The following UBE2O variants were observed in gnomAD, a reference collection of about 807,000 sequenced individuals.
UBE2O encodes the protein ubiquitin conjugating enzyme E2 O.
A neutral mutation model predicts 125.8 loss-of-function variants in UBE2O; 15 were observed. The ratio of observed to expected loss-of-function variants is 0.12; its 90% CI spans 0.08 to 0.18. The LOEUF (loss-of-function observed/expected upper bound fraction) is 0.18, where lower values mean the gene tolerates loss of function less well. UBE2O is among the 10% of genes least tolerant of loss of function. The pLI is 1.00. For synonymous variants in UBE2O, 708 were observed against 703.2 expected (o/e 1.01, Z -0.11); for missense variants, 1,280 against 1,723.6 (o/e 0.74, Z 4.56).
In UBE2O at chr17:76,405,904, A is replaced by C. The variant is rs1012896305; in HGVS notation, c.418-332T>G. Among the ~76,000 whole-genome samples, 1 of 152,220 alleles carries C rather than the reference A, an allele frequency of 6.6e-6. No homozygotes were observed. The highest frequency in any genetic ancestry group is 2.4e-5 in the African/African-American group (1 of 41,444). On this transcript the variant is annotated intron_variant, in intron 1 of 17. Transcript: ENST00000319380. The surrounding 1 kb of genome is among the most constrained non-coding windows in gnomAD (Gnocchi z 6.1). ...AAGGCTGCACTTTAATGAAGGATTT[A>C]ACAGCCCATTCTACAGAGAGCAAAA... is the stretch of plus-strand genomic sequence containing the variant.
At position 76,400,985 on chromosome 17, in the gene UBE2O, T is replaced by C. The variant is rs780167181; in HGVS notation, c.894+26A>G. 8 of 1,612,252 alleles carry C rather than the reference T, an allele frequency of 5.0e-6. No individual in the cohort carries two copies. The highest frequency in any genetic ancestry group is 6.8e-6 in the Non-Finnish European group (8 of 1,179,542). On this transcript the variant is annotated intron_variant, in intron 6 of 17. Transcript: ENST00000319380. This position sits in a 1 kb window ranked among gnomAD's most constrained non-coding sequence, Gnocchi z 4.3. ...CAGGGTGTGGAGGTCAAGGACTCCA[T>C]CTCCTACCCTTGGGCCCGGACCCAC...
chr17:76,443,041 G>A (rs1232604915), intron 1 of UBE2O, among the ~76,000 whole-genome samples: 1 of 152,150 alleles, frequency 6.6e-6, no homozygotes, highest in Admixed American at 6.5e-5. Context: ...AGGTATTTAG[G>A]GGTGAAGTGC....
Position 76,391,458 on chromosome 17 carries a change from C to A in UBE2O, c.3364G>T (p.Val1122Phe). The A allele has an allele frequency of 6.2e-7, 1 of 1,613,804 alleles. No individual in the cohort carries two copies. The change falls in exon 18 of 18, where the codon GTC (valine) becomes TTC (phenylalanine). Residue 1122 changes from valine to phenylalanine, a missense_variant. Coordinates refer to ENST00000319380, the MANE Select transcript of UBE2O (RefSeq NM_022066.4). The surrounding 1 kb of genome is among the most constrained non-coding windows in gnomAD (Gnocchi z 8.4). The stretch of plus-strand genomic sequence containing the variant: ...TGTTGCCTGATCTCCTGCTCAAAGA[C>A]CTCGGGGGGCCGCCGCACCAGCTGG... ...MTQLVRRPPE[V>F]FEQEIRQHFS...
At chr17:76,411,381 T>C (rs1183666594) in intron 1 of UBE2O, among the ~76,000 whole-genome samples, 2 of 152,238 alleles carry the variant, frequency 1.3e-5, no homozygotes, top group African/African-American at 4.8e-5. Context: ...GGGCTGCTCC[T>C]GGAGGCCATG....
intron 1 of UBE2O, among the ~76,000 whole-genome samples, chr17:76,415,144 C>T (rs1598600535): frequency 6.6e-6 from 1 of 152,160 alleles, no homozygotes; most frequent in African/African-American, 2.4e-5. Flanking sequence ...AGGGAGTCGG[C>T]CAGCTGGCCA....
At chr17:76,401,213 G>A in intron 5 of UBE2O, 59 bp from the exon 6 acceptor site, 1 of 1,589,718 alleles carries the variant, frequency 6.3e-7, no homozygotes, top group South Asian at 1.1e-5. Flanking sequence ...GGGTGACCAT[G>A]CTCTCCACGC....
At chr17:76,418,846 G>A (rs558107257) in intron 1 of UBE2O, among the ~76,000 whole-genome samples, 9 of 152,298 alleles carry the variant, frequency 5.9e-5, no homozygotes, top group African/African-American at 2.2e-4. Context: ...TGGGATTACA[G>A]GCGTGAGCCA....
At chr17:76,418,804 C>T (rs1285723878) in intron 1 of UBE2O, among the ~76,000 whole-genome samples, 2 of 152,072 alleles carry the variant, frequency 1.3e-5, no homozygotes, top group African/African-American at 4.8e-5. Context: ...CTCCTGACCT[C>T]GTGATCCACC....
chr17:76,401,255 C>A, intron 5 of UBE2O, 101 bp from the exon 6 acceptor site: 1 of 1,397,372 alleles, frequency 7.2e-7, no homozygotes, highest in Non-Finnish European at 9.8e-7. Context: ...CTGCAGAAGC[C>A]CACTCACACA....
chr17:76,424,611 ATGTC>A (rs2072773585), intron 1 of UBE2O, among the ~76,000 whole-genome samples: 1 of 151,412 alleles, frequency 6.6e-6, no homozygotes, highest in South Asian at 2.1e-4. Flanking sequence ...GAGGTGGCTC[ATGTC>A]TGTAATTCCA....
Position 76,396,418 on chromosome 17 carries a change from G to A in UBE2O, c.2519C>T (p.Pro840Leu), listed in dbSNP as rs761699483. ...AGTTGGCTTCTCAGGCTCCACAGTC[G>A]GAGAGGTGGGCGAGCCCGTCAGCAG... ...EQLLTGSPTS[P>L]TVEPEKPTRE... is the part of the protein sequence containing the mutation. The change falls in exon 14 of 18, where the codon CCG becomes CTG. Residue 840 changes from proline to leucine, a missense_variant. By Grantham distance (98) the Pro-to-Leu change is moderately conservative. This residue lies in a region of UBE2O where 210 missense variants were observed against 268.9 expected (regional missense o/e 0.78). Coordinates refer to ENST00000319380, the MANE Select transcript of UBE2O (RefSeq NM_022066.4). This position sits in a 1 kb window ranked among gnomAD's most constrained non-coding sequence, Gnocchi z 6.7. The A allele has an allele frequency of 3.1e-6, 5 of 1,614,178 alleles. No individual in the cohort carries two copies. The highest frequency in any genetic ancestry group is 4.2e-6 in the Non-Finnish European group (5 of 1,180,044).
chr17:76,393,819 A>G (rs960840727), intron 15 of UBE2O, among the ~76,000 whole-genome samples: 9 of 152,268 alleles, frequency 5.9e-5, no homozygotes, highest in African/African-American at 1.9e-4. Flanking sequence ...TGACAGGGCA[A>G]TGGGCGAGGT....
chr17:76,412,878 G>A (rs1055086394), intron 1 of UBE2O, among the ~76,000 whole-genome samples: 4 of 152,028 alleles, frequency 2.6e-5, no homozygotes, highest in African/African-American at 9.7e-5. Flanking sequence ...CGTGGTGGTG[G>A]GCACCTGTAA....
In UBE2O at chr17:76,453,067, G is replaced by A. The variant is rs775237233; in HGVS notation, c.75C>T (p.Val25=). 3.1e-6 allele frequency: 4 copies of A among 1,292,560 alleles called. No homozygotes were observed. In the South Asian group the frequency reaches 5.5e-5, roughly 18 times the overall value. 80.1% of individuals were successfully genotyped at this position (1,292,560 alleles called of 1,614,324 possible). A position where few individuals can be genotyped will look rare whatever the true frequency, so the allele number is the denominator to read the frequency against. ...AQAPAPAPEA[V]PAPAAAPVPA... is the part of the protein sequence containing the mutation. ...GGACGGGGGCTGCGGCTGGGGCCGG[G>A]ACTGCCTCCGGGGCTGGAGCCGGGG... Residue 25 remains valine (V), a synonymous_variant, in exon 1 of 18, where the codon GTC becomes GTT. Transcript: ENST00000319380.
chr17:76,405,056 C>A lies in UBE2O; in HGVS notation c.588+150G>T. On this transcript the variant is annotated intron_variant, in intron 3 of 17. Coordinates refer to ENST00000319380, the MANE Select transcript of UBE2O (RefSeq NM_022066.4). The surrounding 1 kb of genome is among the most constrained non-coding windows in gnomAD (Gnocchi z 6.1). ...TTACTTGAAAGCAGCGAAAACAAGG[C>A]TACAGGAGCCAGCTGGCTGCTGTGC... is the stretch of plus-strand genomic sequence containing the variant. 1 of 590,588 alleles carries A rather than the reference C, an allele frequency of 1.7e-6. No homozygotes were observed. Among genetic ancestry groups the A allele is most frequent in the Non-Finnish European group, 3.0e-6 (1 of 336,746 alleles). The allele number at this position is 590,588 out of a possible 1,614,324, so 36.6% of individuals were successfully genotyped here.
chr17:76,452,828 C>T lies in UBE2O; in HGVS notation c.314G>A (p.Gly105Glu), dbSNP rs765458710. 6.6e-7 allele frequency: 1 copy of T among 1,505,890 alleles called. No individual in the cohort carries two copies. Among genetic ancestry groups the T allele is most frequent in the South Asian group, 1.3e-5 (1 of 79,756 alleles). The allele number at this position is 1,505,890 out of a possible 1,614,324, so 93.3% of individuals were successfully genotyped here. A position where few individuals can be genotyped will look rare whatever the true frequency, so the allele number is the denominator to read the frequency against. ...CCGGCCCTCCTCGTGGCCCGCGCCCCCGGCCTCGGAGCACCCCGAGCTCCC... is the reference window on the plus strand; with the variant it reads ...CCGGCCCTCCTCGTGGCCCGCGCCCTCGGCCTCGGAGCACCCCGAGCTCCC... The part of the protein sequence containing the change: ...GRGSSGCSEA[G>E]GAGHEEGRAS... Residue 105 changes from glycine (G) to glutamate (E), a missense_variant, in exon 1 of 18, where the codon GGG (glycine) becomes GAG (glutamate). Around this residue, in one of 10 missense-constraint regions of UBE2O, gnomAD observed 188 missense variants for 192.5 expected, o/e 0.98. Transcript: ENST00000319380. This position sits in a 1 kb window ranked among gnomAD's most constrained non-coding sequence, Gnocchi z 4.4.
intron 1 of UBE2O, among the ~76,000 whole-genome samples, chr17:76,435,304 G>A: frequency 6.6e-6 from 1 of 152,118 alleles, no homozygotes; most frequent in East Asian, 1.9e-4. Flanking sequence ...CCTGGAGAGT[G>A]AAAATGGTAG....
chr17:76,391,785 C>T lies in UBE2O; in HGVS notation c.3179G>A (p.Ser1060Asn), dbSNP rs1164169281. ...KGTERWTSKS[S>N]LLQVLISIQG... ...GATGGAGATGAGCACCTGGAGAAGG[C>T]TGGACTTGCTTGTCCACCTCTCTGT... is the stretch of plus-strand genomic sequence containing the variant. Residue 1060 changes from serine (S) to asparagine (N), a missense_variant, in exon 17 of 18, where the codon AGC (serine) becomes AAC (asparagine). Physicochemically the swap from Ser to Asn is conservative, Grantham distance 46 (BLOSUM62 1). This residue lies in a region of UBE2O where 37 missense variants were observed against 115.6 expected (regional missense o/e 0.32). Transcript: ENST00000319380. This position sits in a 1 kb window ranked among gnomAD's most constrained non-coding sequence, Gnocchi z 8.4. 6.2e-7 allele frequency: 1 copy of T among 1,614,156 alleles called. No individual in the cohort carries two copies. Among genetic ancestry groups the T allele is most frequent in the South Asian group, 1.1e-5 (1 of 91,086 alleles).
At chr17:76,397,678 C>G (rs188030652) in intron 13 of UBE2O, 121 bp downstream of exon 13, 6 of 983,742 alleles carry the variant, frequency 6.1e-6, no homozygotes, top group South Asian at 5.7e-5. Context: ...TTTCCCCTCA[C>G]GCTTTCGCTG....
Sources: allele counts gnomAD v4.1 joint callset (sites outside exome capture counted in the v4.1 genomes callset), GRCh38; gene constraint gnomAD v4.1.1; regional missense constraint gnomAD v4.1.1; non-coding constraint Gnocchi (gnomAD v3.1); transcripts MANE v1.5; gene names NCBI Gene and HGNC (gene_info 2026-07-23, HGNC 2026-07-21).